ASAH1: variants seen among roughly 807,000 people sequenced by gnomAD.
The protein encoded by ASAH1 is N-acylsphingosine amidohydrolase 1.
A neutral mutation model predicts 59.5 loss-of-function variants in ASAH1; 70 were observed. The observed-to-expected ratio is 1.18, with a 90% confidence interval of 0.97 to 1.43. The LOEUF is 1.43. Among genes scored for constraint, ASAH1 ranks in the 40% most tolerant of loss-of-function variants. The pLI is 0.00. For synonymous variants in ASAH1, 213 were observed against 166.5 expected (o/e 1.28, Z -2.15); for missense variants, 660 against 482.5 (o/e 1.37, Z -3.45).
At position 18,064,452 on chromosome 8, in the gene ASAH1, A is replaced by G. The variant is rs1226324675; in HGVS notation, c.457+5T>C. ...GCTGCCCACCCTCCCTCAGCGCACA[A>G]TTACCTTTTTTGTCTTCTGCTACTA... On this transcript the variant is annotated splice_donor_5th_base_variant and intron_variant, in intron 6 of 13. Coordinates refer to ENST00000637790, the MANE Select transcript of ASAH1 (RefSeq NM_177924.5). 19 of 1,560,070 alleles carry G rather than the reference A, an allele frequency of 1.2e-5. No homozygotes were observed. Among genetic ancestry groups the G allele is most frequent in the Non-Finnish European group, 1.5e-5 (17 of 1,132,924 alleles).
At position 18,056,771 on chromosome 8, in the gene ASAH1, T is replaced by C. The variant is rs563406033; in HGVS notation, c.*763A>G. 128 of 152,304 alleles carry C rather than the reference T, an allele frequency of 8.4e-4. No individual in the cohort carries two copies. The highest frequency in any genetic ancestry group is 2.9e-3 in the African/African-American group (121 of 41,540). 9.4% of individuals were successfully genotyped at this position (152,304 alleles called of 1,614,324 possible). ...TCCTATTTTCCACAAGTCTTTGACTTGTTTATTTACTAAATTAACAGAACG... is the reference window on the plus strand; with the variant it reads ...TCCTATTTTCCACAAGTCTTTGACTCGTTTATTTACTAAATTAACAGAACG... On this transcript the variant is annotated 3_prime_UTR_variant, in exon 14 of 14. Coordinates refer to ENST00000637790, the MANE Select transcript of ASAH1 (RefSeq NM_177924.5).
At chr8:18,073,097 G>A (rs149234355) in intron 2 of ASAH1, among the ~76,000 whole-genome samples, 7 of 152,118 alleles carry the variant, frequency 4.6e-5, no homozygotes, top group African/African-American at 1.7e-4. Context: ...GCACTAATTA[G>A]AATTTGAGAG....
intron 3 of ASAH1, 47 bp downstream of exon 3, chr8:18,071,253 T>TACA: frequency 9.9e-7 from 1 of 1,010,728 alleles, no homozygotes; most frequent in African/African-American, 1.7e-5. Context: ...AGAAATAAAA[T>TACA]AAAAAATAAA....
At chr8:18,067,121 A>AGACATACAGCACCTGTGCTGTATATCTAG in intron 5 of ASAH1, 99 bp downstream of exon 5, 2 of 543,254 alleles carry the variant, frequency 3.7e-6, no homozygotes, top group South Asian at 5.4e-5. Flanking sequence ...TGTATATCTA[A>AGACATACAGCACCTGTGCTGTATATCTAG]GACATACAGC....
At chr8:18,084,800 A>G (rs150392683), upstream of ASAH1, 46 of 1,613,396 alleles carry the variant, frequency 2.9e-5, no homozygotes, top group African/African-American at 4.9e-4. Context: ...GCAGCAGTTC[A>G]TTAAGCGGCT....
intron 1 of ASAH1, chr8:18,076,133 C>T (rs944043727): frequency 6.2e-6 from 1 of 161,906 alleles, no homozygotes; most frequent in Non-Finnish European, 1.4e-5. Flanking sequence ...CCTTCCATGC[C>T]TGTGTCTGTG....
intron 1 of ASAH1, chr8:18,076,147 T>C (rs989096104): frequency 4.5e-5 from 7 of 156,222 alleles, no homozygotes; most frequent in Admixed American, 3.1e-4. Context: ...GTCTGTGCTA[T>C]TCCCTCTTGC....
Position 18,064,477 on chromosome 8 carries a change from A to T in ASAH1, c.437T>A (p.Ile146Lys), listed in dbSNP as rs1409207972. Residue 146 changes from isoleucine (I) to lysine (K), a missense_variant, in exon 6 of 14, where the codon ATA becomes AAA. By Grantham distance (102) the Ile-to-Lys change is moderately radical. Coordinates refer to ENST00000637790, the MANE Select transcript of ASAH1 (RefSeq NM_177924.5). Reference protein sequence around the residue: ...FYELFTICTSIVAEDKKGHLI... With the variant: ...FYELFTICTSKVAEDKKGHLI... ...ATTACCTTTTTTGTCTTCTGCTACT[A>T]TTGAAGTACAAATGGTAAATAATTC... is the stretch of plus-strand genomic sequence containing the variant. 2 of 1,579,920 alleles carry T rather than the reference A, an allele frequency of 1.3e-6. No homozygotes were observed. Among genetic ancestry groups the T allele is most frequent in the Admixed American group, 3.3e-5 (2 of 59,752 alleles).
intron 6 of ASAH1, chr8:18,063,448 C>T (rs999767801): frequency 2.1e-6 from 1 of 483,786 alleles, no homozygotes; most frequent in East Asian, 4.0e-5. Context: ...GGATTACAGA[C>T]ATGTGCGACC....
chr8:18,065,882 T>TGTG (rs1799908170), intron 5 of ASAH1: 3 of 143,542 alleles, frequency 2.1e-5, no homozygotes, highest in Admixed American at 1.4e-4. Flanking sequence ...CAGATACACA[T>TGTG]TGTGTGTGTG....
At chr8:18,070,252 C>T (rs754745257) in intron 3 of ASAH1, among the ~76,000 whole-genome samples, 12 of 152,268 alleles carry the variant, frequency 7.9e-5, no homozygotes, top group East Asian at 1.9e-4. Context: ...CGGGTTCAAG[C>T]GATTCTCTTG....
chr8:18,059,088 C>T, intron 12 of ASAH1, 197 bp from the exon 13 acceptor site: 2 of 588,282 alleles, frequency 3.4e-6, no homozygotes, highest in Non-Finnish European at 5.5e-6. Flanking sequence ...CTCTCCTTCC[C>T]CTTTTTTAAA....
intron 8 of ASAH1, 91 bp downstream of exon 8, chr8:18,062,188 T>G (rs1266202553): frequency 6.4e-7 from 1 of 1,553,602 alleles, no homozygotes; most frequent in Non-Finnish European, 8.9e-7. Context: ...CATATTCCCT[T>G]TAGGTCCTCA....
intron 10 of ASAH1, 33 bp from the exon 11 acceptor site, chr8:18,059,736 CTTT>C: frequency 1.3e-6 from 2 of 1,555,854 alleles, no homozygotes; most frequent in Non-Finnish European, 8.7e-7. Context: ...AAAAATGAAA[CTTT>C]TTTTTAATTT....
upstream of ASAH1, chr8:18,084,476 T>C (rs1589013202): frequency 7.6e-7 from 1 of 1,315,664 alleles, no homozygotes; most frequent in Non-Finnish European, 1.0e-6. Flanking sequence ...GCGTCCTCGG[T>C]ACCCACGAAA....
At chr8:18,084,884 A>G (rs887326110), upstream of ASAH1, 56 of 1,565,982 alleles carry the variant, frequency 3.6e-5, no homozygotes, top group Middle Eastern at 2.2e-4. Context: ...GGACGCGAGT[A>G]GCTCGGCAGG....
chr8:18,079,668 A>G (rs1800568928), intron 1 of ASAH1, among the ~76,000 whole-genome samples: 1 of 152,208 alleles, frequency 6.6e-6, no homozygotes, highest in Non-Finnish European at 1.5e-5. Flanking sequence ...GGATAATCTA[A>G]AATTACATAC....
At chr8:18,067,114 A>ATATCTAAGACATACAGCACCTGTGCTGTT in intron 5 of ASAH1, 106 bp downstream of exon 5, 1 of 514,522 alleles carries the variant, frequency 1.9e-6, no homozygotes, top group Non-Finnish European at 2.7e-6. Context: ...CCTGTGCTGT[A>ATATCTAAGACATACAGCACCTGTGCTGTT]TATCTAAGAC....
At position 18,075,360 on chromosome 8, in the gene ASAH1, A is replaced by G. The variant is rs1800359813; in HGVS notation, c.125+181T>C. The G allele has an allele frequency of 4.1e-6, 3 of 730,206 alleles. No homozygotes were observed. The South Asian group carries it at 4.4e-5, about 11-fold the overall frequency. 45.2% of individuals were successfully genotyped at this position (730,206 alleles called of 1,614,324 possible). ...GGCATTTGAATCGGAAGATATTTTC[A>G]TATTTGTCCAAGATCTCAGCCAAAT... On this transcript the variant is annotated intron_variant, in intron 2 of 13. Transcript: ENST00000637790.
Sources: allele counts gnomAD v4.1 joint callset (sites outside exome capture counted in the v4.1 genomes callset), GRCh38; gene constraint gnomAD v4.1.1; transcripts MANE v1.5; gene names NCBI Gene and HGNC (gene_info 2026-07-23, HGNC 2026-07-21).